SGCE: variants seen among roughly 807,000 people sequenced by gnomAD.
The protein encoded by SGCE is epsilon-sarcoglycan.
Under a neutral mutation model 57.8 loss-of-function variants are expected in SGCE, and 26 were observed. The ratio of observed to expected loss-of-function variants is 0.45; its 90% CI spans 0.33 to 0.62. The LOEUF is 0.62. Ranked by LOEUF, SGCE falls within the 20% of genes least tolerant of loss-of-function variation. SGCE has a pLI of 0.02. For missense variants in SGCE, 468 were observed against 548.6 expected (o/e 0.85, Z 1.47); for synonymous variants, 183 against 189.5 (o/e 0.97, Z 0.28).
chr7:94,641,787 GATT>G (rs201862524), intron 1 of SGCE, among the ~76,000 whole-genome samples: 6 of 152,138 alleles, frequency 3.9e-5, no homozygotes, highest in South Asian at 4.1e-4. Context: ...TCAAAACCCA[GATT>G]ATTATTATTA....
chr7:94,633,012 T>C (rs1244029317), intron 1 of SGCE, among the ~76,000 whole-genome samples: 1 of 151,922 alleles, frequency 6.6e-6, no homozygotes, highest in East Asian at 1.9e-4. Context: ...AAAATCAAAT[T>C]TAAACACTCT....
chr7:94,622,813 T>C (rs1803020334), intron 4 of SGCE, among the ~76,000 whole-genome samples: 1 of 152,146 alleles, frequency 6.6e-6, no homozygotes, highest in African/African-American at 2.4e-5. Context: ...AAATTACTAA[T>C]ACACTATAAA....
At chr7:94,624,818 T>A (rs1775006204) in intron 3 of SGCE, 1 of 152,034 alleles carries the variant, frequency 6.6e-6, no homozygotes, top group Admixed American at 6.6e-5. Context: ...TGGGTAGCCT[T>A]CCCTTAATCA....
intron 1 of SGCE, among the ~76,000 whole-genome samples, chr7:94,634,975 C>T (rs1805396738): frequency 6.6e-6 from 1 of 152,094 alleles, no homozygotes; most frequent in South Asian, 2.1e-4. Context: ...AAATACACTG[C>T]ACAATTTAAA....
intron 9 of SGCE, among the ~76,000 whole-genome samples, chr7:94,592,437 G>A (rs1009388355): frequency 2.2e-4 from 33 of 152,216 alleles, no homozygotes; most frequent in African/African-American, 7.9e-4. Flanking sequence ...CCTTAATGAA[G>A]TCATAAAACA....
At chr7:94,624,233 T>A in intron 3 of SGCE, 2 of 396,892 alleles carry the variant, frequency 5.0e-6, no homozygotes. Context: ...TGGCAATGAT[T>A]GCAGCTGGAG....
At chr7:94,638,521 T>C (rs1393279110) in intron 1 of SGCE, among the ~76,000 whole-genome samples, 1 of 152,172 alleles carries the variant, frequency 6.6e-6, no homozygotes, top group East Asian at 1.9e-4. Flanking sequence ...TTTCAAAACA[T>C]TTTAATATTA....
chr7:94,628,903 A>G (rs1301430814), intron 2 of SGCE: 1 of 157,002 alleles, frequency 6.4e-6, no homozygotes, highest in Non-Finnish European at 1.4e-5. Context: ...ATCATTTATT[A>G]GCACATCCTG....
At chr7:94,587,553 A>G in intron 10 of SGCE, 1 of 1,318,868 alleles carries the variant, frequency 7.6e-7, no homozygotes, top group Non-Finnish European at 9.6e-7. Flanking sequence ...GGTAGTAGGG[A>G]TTCATTTATC....
At chr7:94,623,598 A>C (rs957654107) in intron 3 of SGCE, 3 of 538,248 alleles carry the variant, frequency 5.6e-6, no homozygotes, top group Non-Finnish European at 9.8e-6. Flanking sequence ...AGTCAGGTCT[A>C]TTTAATATAC....
intron 9 of SGCE, among the ~76,000 whole-genome samples, chr7:94,591,842 G>A (rs1797713867): frequency 6.6e-6 from 1 of 152,102 alleles, no homozygotes; most frequent in Non-Finnish European, 1.5e-5. Context: ...CAAGAAATTC[G>A]GAGAAGATGC....
At chr7:94,600,571 T>G (rs1010287373) in intron 7 of SGCE, 75 bp downstream of exon 7, 14 of 1,108,372 alleles carry the variant, frequency 1.3e-5, no homozygotes, top group Non-Finnish European at 1.9e-5. Flanking sequence ...AAATGAAACT[T>G]TGCTTTTAAT....
At chr7:94,586,965 A>T (rs959635515) in intron 10 of SGCE, 73 of 983,786 alleles carry the variant, frequency 7.4e-5, no homozygotes, top group Non-Finnish European at 8.8e-5. Flanking sequence ...ACTGTACTTT[A>T]GTCTATAATA....
At chr7:94,608,135 G>C (rs879397458) in intron 5 of SGCE, among the ~76,000 whole-genome samples, 4 of 152,176 alleles carry the variant, frequency 2.6e-5, no homozygotes, top group Non-Finnish European at 5.9e-5. Context: ...CCTGAGGTCA[G>C]AAGTTTGAGA....
intron 1 of SGCE, among the ~76,000 whole-genome samples, chr7:94,654,921 G>A (rs1808375492): frequency 6.6e-6 from 1 of 152,216 alleles, no homozygotes; most frequent in Non-Finnish European, 1.5e-5. Flanking sequence ...CAGATTGTCA[G>A]TTTCCCAAGC....
chr7:94,648,299 C>T lies in SGCE; in HGVS notation c.109+7691G>A, dbSNP rs530620815. Among the ~76,000 whole-genome samples the T allele has an allele frequency of 4.3e-3, 630 of 147,784 alleles. 3 individuals carry two copies. Among genetic ancestry groups the T allele is most frequent in the African/African-American group, 0.014 (559 of 40,448 alleles). On this transcript the variant is annotated intron_variant, in intron 1 of 10. Coordinates refer to ENST00000648936, the MANE Select transcript of SGCE (RefSeq NM_003919.3). ...CTGAGGCAGGAGAATCACTTGAACC[C>T]GGGAGGCGGAGGTTGCAGTGAGCCA...
chr7:94,634,526 T>C (rs543811906), intron 1 of SGCE, among the ~76,000 whole-genome samples: 90 of 152,320 alleles, frequency 5.9e-4, no homozygotes, highest in Middle Eastern at 6.8e-3. Context: ...ATGTTTCCCA[T>C]AGCAGCTTCT....
At position 94,640,697 on chromosome 7, in the gene SGCE, G is replaced by C. The variant is rs1287375281; in HGVS notation, c.110-10856C>G. Among the ~76,000 whole-genome samples, 8 of 152,158 alleles carry C rather than the reference G, an allele frequency of 5.3e-5. No individual in the cohort carries two copies. The East Asian group carries it at 1.2e-3, about 22-fold the overall frequency. ...GAGTCTCACTCTGTTGCCCAGTCTG[G>C]TGTGCAGTGGCGTGATCTCGGCTCA... On this transcript the variant is annotated intron_variant, in intron 1 of 10. Coordinates refer to ENST00000648936, the MANE Select transcript of SGCE (RefSeq NM_003919.3).
intron 5 of SGCE, among the ~76,000 whole-genome samples, chr7:94,605,748 A>C (rs1800016207): frequency 6.6e-6 from 1 of 152,200 alleles, no homozygotes; most frequent in South Asian, 2.1e-4. Context: ...AAGTGGGAAA[A>C]GAGTGGAAGA....
Sources: allele counts gnomAD v4.1 joint callset (sites outside exome capture counted in the v4.1 genomes callset), GRCh38; gene constraint gnomAD v4.1.1; transcripts MANE v1.5; gene names NCBI Gene and HGNC (gene_info 2026-07-23, HGNC 2026-07-21).